Variants in FABP3 observed in about 807,000 individuals in gnomAD.
FABP3 encodes the protein fatty acid binding protein 3, also known as fatty acid-binding protein, heart.
In FABP3, 8 loss-of-function variants were observed where a neutral mutation model predicts 13.4. The observed-to-expected ratio is 0.60, with a 90% CI of 0.35 to 1.07. FABP3 has a LOEUF of 1.07. FABP3 is among the 50% of genes least tolerant of loss of function. The pLI, the probability that FABP3 is intolerant of heterozygous loss-of-function variation, is 0.02. For synonymous variants in FABP3, 64 were observed against 60.0 expected (o/e 1.07, Z -0.31); for missense variants, 135 against 164.7 (o/e 0.82, Z 0.99).
At chr1:31,368,877 A>T (rs1297139860) in intron 2 of FABP3, among the ~76,000 whole-genome samples, 1 of 152,240 alleles carries the variant, frequency 6.6e-6, no homozygotes, top group African/African-American at 2.4e-5. Context: ...TCTGGGAGTT[A>T]GAAGTTGAAG....
At chr1:31,363,445 A>G (rs904877742), downstream of FABP3, among the ~76,000 whole-genome samples, 2 of 152,082 alleles carry the variant, frequency 1.3e-5, no homozygotes, top group African/African-American at 4.8e-5. Flanking sequence ...GGCCTCCCAA[A>G]GTGCTGGGAT....
chr1:31,366,771 G>A (rs1233611260), intron 3 of FABP3, among the ~76,000 whole-genome samples: 1 of 152,208 alleles, frequency 6.6e-6, no homozygotes, highest in East Asian at 1.9e-4. Flanking sequence ...TAGTCAAGTA[G>A]TTTCAGTAGG....
chr1:31,361,287 G>A (rs930468294), downstream of FABP3, among the ~76,000 whole-genome samples: 6 of 152,144 alleles, frequency 3.9e-5, no homozygotes, highest in Admixed American at 1.3e-4. Flanking sequence ...ACTTTGACTT[G>A]TCTCCTGTAG....
rs543767970 is a variant in FABP3 at position 31,367,104 on chromosome 1, C to A, written c.348+289G>T. 2.8e-4 allele frequency among the ~76,000 whole-genome samples: 43 copies of A among 152,288 alleles called. 1 individual carries two copies. Among genetic ancestry groups the A allele is most frequent in the South Asian group, 6.2e-4 (3 of 4,822 alleles). ...GCATACACTGTCTCTTACAGGCTTC[C>A]CAGCAGCCCTACAAGGTTGGTATTA... is the stretch of plus-strand genomic sequence containing the variant. On this transcript the variant is annotated intron_variant, in intron 3 of 3. Transcript: ENST00000373713.
chr1:31,370,041 T>C (rs958300919), intron 1 of FABP3, among the ~76,000 whole-genome samples: 3 of 150,014 alleles, frequency 2.0e-5, no homozygotes, highest in African/African-American at 7.3e-5. Flanking sequence ...GAGGTGGAGG[T>C]TGCAGTGAGT....
downstream of FABP3, among the ~76,000 whole-genome samples, chr1:31,360,335 A>G (rs1463682413): frequency 1.3e-5 from 2 of 152,104 alleles, no homozygotes; most frequent in Non-Finnish European, 2.9e-5. Flanking sequence ...ACGCCCAGCT[A>G]ATTTTGTATT....
the FABP3 span, among the ~76,000 whole-genome samples, chr1:31,359,983 CTT>C: frequency 1.9e-4 from 28 of 145,192 alleles, no homozygotes; most frequent in African/African-American, 2.0e-4. Context: ...GAACTACAAC[CTT>C]TTTTTTTTTT....
intron 2 of FABP3, chr1:31,369,053 C>G (rs886436096): frequency 4.2e-6 from 1 of 240,160 alleles, no homozygotes; most frequent in Non-Finnish European, 8.1e-6. Flanking sequence ...GGAAAGAAAC[C>G]TAGAGCTACT....
At chr1:31,372,833 C>T in intron 1 of FABP3, 109 bp downstream of exon 1, 1 of 1,104,546 alleles carries the variant, frequency 9.1e-7, no homozygotes, top group Admixed American at 1.8e-5. Context: ...TCCGCGCTCC[C>T]CTATTCCCCA....
chr1:31,360,726 G>T (rs550607844), downstream of FABP3, among the ~76,000 whole-genome samples: 9 of 152,272 alleles, frequency 5.9e-5, no homozygotes, highest in Admixed American at 5.9e-4. Context: ...CTTTGAGAGA[G>T]AACAAAGTGG....
At chr1:31,362,378 CTCT>C (rs1452221459), downstream of FABP3, among the ~76,000 whole-genome samples, 1 of 152,194 alleles carries the variant, frequency 6.6e-6, no homozygotes, top group Non-Finnish European at 1.5e-5. Context: ...TACTTTCTCC[CTCT>C]TCTTAGAAAC....
At chr1:31,371,670 G>A (rs1301686281) in intron 1 of FABP3, among the ~76,000 whole-genome samples, 1 of 152,200 alleles carries the variant, frequency 6.6e-6, no homozygotes, top group East Asian at 1.9e-4. Flanking sequence ...CTCAGCTCTG[G>A]CCCAGCTTTG....
intron 1 of FABP3, 148 bp downstream of exon 1, chr1:31,372,794 C>T (rs142865054): frequency 3.2e-5 from 24 of 743,838 alleles, no homozygotes; most frequent in Admixed American, 2.9e-4. Flanking sequence ...TCTGAACAGG[C>T]CCCACCTGCT....
intron 2 of FABP3, among the ~76,000 whole-genome samples, chr1:31,367,786 A>G (rs112711532): frequency 0.025 from 3,815 of 152,310 alleles, 153 homozygotes; most frequent in African/African-American, 0.086. Context: ...AAGTACCACA[A>G]GCCTTCAAGA....
At chr1:31,360,556 G>A (rs143528193), downstream of FABP3, among the ~76,000 whole-genome samples, 157 of 152,294 alleles carry the variant, frequency 1.0e-3, no homozygotes, top group African/African-American at 3.6e-3. Context: ...CTGGAGGATT[G>A]GATTGTCTTT....
In FABP3 at chr1:31,370,103, C is replaced by CAAAA. The variant is rs10645207; in HGVS notation, c.74-550_74-547dup. On this transcript the variant is annotated intron_variant, in intron 1 of 3. Coordinates refer to ENST00000373713, the MANE Select transcript of FABP3 (RefSeq NM_004102.5). The stretch of plus-strand genomic sequence containing the variant: ...TAGCCAACAGAGTGAGATTCCACCT[C>CAAAA]AAAAAAAAAAAAAAAGCTACTATTA... Among the ~76,000 whole-genome samples the CAAAA allele has an allele frequency of 8.6e-5, 12 of 139,240 alleles. 1 individual carries two copies. The highest frequency in any genetic ancestry group is 1.6e-4 in the African/African-American group (6 of 37,526). The allele number at this position is 139,240 out of a possible 152,430, so 91.3% of individuals were successfully genotyped here.
At position 31,367,412 on chromosome 1, in the gene FABP3, A is replaced by G. The variant is rs201337969; in HGVS notation, c.329T>C (p.Ile110Thr). 19 of 1,614,190 alleles carry G rather than the reference A, an allele frequency of 1.2e-5. No individual in the cohort carries two copies. The highest frequency in any genetic ancestry group is 2.7e-5 in the African/African-American group (2 of 75,060). ...GQETTLVRELIDGKLILTLTH... is the reference protein window; with the variant it reads ...GQETTLVRELTDGKLILTLTH... ...TCTTACCAGGATGAGTTTTCCATCAATTAGCTCCCGCACAAGTGTGGTCTC... is the reference window on the plus strand; with the variant it reads ...TCTTACCAGGATGAGTTTTCCATCAGTTAGCTCCCGCACAAGTGTGGTCTC... Residue 110 changes from isoleucine to threonine, a missense_variant, in exon 3 of 4, where the codon ATT (isoleucine) becomes ACT (threonine). Physicochemically the swap from Ile to Thr is moderately conservative, Grantham distance 89. Coordinates refer to ENST00000373713, the MANE Select transcript of FABP3 (RefSeq NM_004102.5).
In FABP3 at chr1:31,365,704, TA is replaced by T. The variant is rs5773353; in HGVS notation, c.*181del. 53,112 of 447,966 alleles carry T rather than the reference TA, an allele frequency of 0.12. No homozygotes were observed. Among genetic ancestry groups the T allele is most frequent in the Middle Eastern group, 0.14 (244 of 1,714 alleles). 27.7% of individuals were successfully genotyped at this position (447,966 alleles called of 1,614,324 possible). A position where few individuals can be genotyped will look rare whatever the true frequency, so the allele number is the denominator to read the frequency against. On this transcript the variant is annotated 3_prime_UTR_variant, in exon 4 of 4. Coordinates refer to ENST00000373713, the MANE Select transcript of FABP3 (RefSeq NM_004102.5). Reference sequence around the variant, plus strand: ...CCTCAGAGCACCCTATGAGTGCAGTTAAAAAAAAAAAAAAAAAACCACATAC... The same window carrying T: ...CCTCAGAGCACCCTATGAGTGCAGTTAAAAAAAAAAAAAAAAACCACATAC...
At chr1:31,368,551 C>A (rs1312709622) in intron 2 of FABP3, among the ~76,000 whole-genome samples, 1 of 152,166 alleles carries the variant, frequency 6.6e-6, no homozygotes, top group Non-Finnish European at 1.5e-5. Context: ...CCTGTTCTTT[C>A]TGGGGACAGC....
Sources: gnomAD v4.1 joint callset for allele counts (sites outside exome capture counted in the v4.1 genomes callset) on GRCh38, gnomAD v4.1.1 for gene constraint, MANE v1.5 for transcripts, NCBI Gene and HGNC (gene_info 2026-07-23, HGNC 2026-07-21) for gene names.